The following EIF4G2 variants were observed in gnomAD, a reference collection of about 807,000 sequenced individuals.
EIF4G2 encodes the protein DAP-5.
A neutral mutation model predicts 117.7 loss-of-function variants in EIF4G2; 8 were observed. The observed-to-expected ratio is 0.07, with a 90% CI of 0.04 to 0.12. EIF4G2 has a LOEUF of 0.12. Among genes scored for constraint, EIF4G2 ranks in the 10% least tolerant of loss-of-function variants. The pLI, the probability that EIF4G2 is intolerant of heterozygous loss-of-function variation, is 1.00. For missense variants in EIF4G2, 812 were observed against 1,086.2 expected (o/e 0.75, Z 3.55); for synonymous variants, 413 against 367.8 (o/e 1.12, Z -1.41).
chr11:10,797,761 C>T lies in EIF4G2; in HGVS notation c.*55G>A, dbSNP rs2135402124. The T allele has an allele frequency of 6.4e-6, 10 of 1,558,182 alleles. 1 individual carries two copies. The Middle Eastern group carries it at 1.7e-3, about 262-fold the overall frequency. On this transcript the variant is annotated 3_prime_UTR_variant, in exon 22 of 22. Coordinates refer to ENST00000339995, the MANE Select transcript of EIF4G2 (RefSeq NM_001418.4). This position sits in a 1 kb window ranked among gnomAD's most constrained non-coding sequence, Gnocchi z 4.5. ...ATTTTCGCAGTGGTTAGGTCAAATG[C>T]AGTTACATCATAGCAACAGTATGTT...
intron 21 of EIF4G2, 112 bp downstream of exon 21, chr11:10,798,878 CAA>C (rs1190670827): frequency 7.0e-6 from 9 of 1,277,410 alleles, no homozygotes; most frequent in Non-Finnish European, 9.8e-6. Context: ...CAGGTGAAGA[CAA>C]ACTACTAACT....
At chr11:10,807,591 GAAC>G in intron 1 of EIF4G2, 1 of 1,199,606 alleles carries the variant, frequency 8.3e-7, no homozygotes, top group Non-Finnish European at 1.0e-6. Context: ...AGACTTCGTA[GAAC>G]ACAAGAGCAT....
chr11:10,803,805 G>T lies in EIF4G2; in HGVS notation c.702+94C>A. 1 of 1,448,356 alleles carries T rather than the reference G, an allele frequency of 6.9e-7. No homozygotes were observed. Among genetic ancestry groups the T allele is most frequent in the Non-Finnish European group, 9.4e-7 (1 of 1,066,576 alleles). The allele number at this position is 1,448,356 out of a possible 1,614,324, so 89.7% of individuals were successfully genotyped here. On this transcript the variant is annotated intron_variant, in intron 8 of 21. Transcript: ENST00000339995. The surrounding 1 kb of genome is among the most constrained non-coding windows in gnomAD (Gnocchi z 4.0). ...GTTTAGTAAATTTTGTTGCACATCT[G>T]TATTTAACTAGTCAACCTCCCTCTT...
Position 10,799,585 on chromosome 11 carries a change from A to G in EIF4G2, c.2291T>C (p.Val764Ala). Residue 764 changes from valine to alanine, a missense_variant, in exon 19 of 22, where the codon GTA becomes GCA. Transcript: ENST00000339995. ...TAAGATGTTCACAAATCCTTTATCT[A>G]CATGAAGTTTGGGAGAGATGTTATC... is the stretch of plus-strand genomic sequence containing the variant. 1 of 1,614,122 alleles carries G rather than the reference A, an allele frequency of 6.2e-7. No individual in the cohort carries two copies. The highest frequency in any genetic ancestry group is 8.5e-7 in the Non-Finnish European group (1 of 1,180,002).
chr11:10,805,019 G>C lies in EIF4G2; in HGVS notation c.249-4C>G. ...AGGAGTAAGCTTATTTAGTATGCTG[G>C]AGAAAAAGGAATTACATTTTAAGTG... On this transcript the variant is annotated splice_polypyrimidine_tract_variant and splice_region_variant and intron_variant, in intron 4 of 21. Coordinates refer to ENST00000339995, the MANE Select transcript of EIF4G2 (RefSeq NM_001418.4). 1 of 1,606,682 alleles carries C rather than the reference G, an allele frequency of 6.2e-7. No homozygotes were observed. Among genetic ancestry groups the C allele is most frequent in the African/African-American group, 1.3e-5 (1 of 74,866 alleles).
In EIF4G2 at chr11:10,804,303, C is replaced by T; in HGVS notation, c.467G>A (p.Gly156Glu). 1 of 1,614,028 alleles carries T rather than the reference C, an allele frequency of 6.2e-7. No homozygotes were observed. The highest frequency in any genetic ancestry group is 8.5e-7 in the Non-Finnish European group (1 of 1,179,974). ...ACCACTTACGGTGCTTTGCTTCTGTCCTGGTTGACCCTCTGCTGCTGGGCC... is the reference window on the plus strand; with the variant it reads ...ACCACTTACGGTGCTTTGCTTCTGTTCTGGTTGACCCTCTGCTGCTGGGCC... Residue 156 changes from glycine (G) to glutamate (E), a missense_variant, in exon 6 of 22, where the codon GGA (glycine) becomes GAA (glutamate). Transcript: ENST00000339995.
chr11:10,800,213 C>G lies in EIF4G2; in HGVS notation c.1996G>C (p.Glu666Gln). The G allele has an allele frequency of 6.2e-7, 1 of 1,614,166 alleles. No individual in the cohort carries two copies. Among genetic ancestry groups the G allele is most frequent in the Non-Finnish European group, 8.5e-7 (1 of 1,180,014 alleles). The change falls in exon 18 of 22, where the codon GAA becomes CAA. Residue 666 changes from glutamate to glutamine, a missense_variant. Physicochemically the swap from Glu to Gln is conservative, Grantham distance 29. Coordinates refer to ENST00000339995, the MANE Select transcript of EIF4G2 (RefSeq NM_001418.4). The stretch of plus-strand genomic sequence containing the variant: ...AAGAGAGGAAAATGGGTGCCACTTT[C>G]TAGTGGTTGAGCTAGTTCTGAAATG...
At chr11:10,800,910 G>C in intron 15 of EIF4G2, 52 bp downstream of exon 15, 1 of 1,610,802 alleles carries the variant, frequency 6.2e-7, no homozygotes, top group Non-Finnish European at 8.5e-7. Flanking sequence ...ACTAAATTTA[G>C]AAAAAAGTCT....
intron 14 of EIF4G2, chr11:10,801,384 T>C: frequency 3.2e-6 from 2 of 629,676 alleles, no homozygotes; most frequent in Non-Finnish European, 5.6e-6. Context: ...CCCTGTTTTA[T>C]CCTTAGTTAA....
At chr11:10,798,386 G>C (rs1590037907) in intron 21 of EIF4G2, among the ~76,000 whole-genome samples, 1 of 152,076 alleles carries the variant, frequency 6.6e-6, no homozygotes, top group South Asian at 2.1e-4. Flanking sequence ...AAAATATATA[G>C]TATTTAAACT....
chr11:10,803,922 T>C lies in EIF4G2; in HGVS notation c.679A>G (p.Ile227Val), dbSNP rs1590043294. ...ACTGTTTTGATGCACTTATGAAGGA[T>C]AGATTCGTGAATAAGATCAAGCTTG... The change falls in exon 8 of 22, where the codon ATC becomes GTC. Residue 227 changes from isoleucine (I) to valine (V), a missense_variant. By Grantham distance (29) the Ile-to-Val change is conservative (BLOSUM62 3). Around this residue, in one of 4 missense-constraint regions of EIF4G2, gnomAD observed 154 missense variants for 322.1 expected, o/e 0.48. Coordinates refer to ENST00000339995, the MANE Select transcript of EIF4G2 (RefSeq NM_001418.4). This position sits in a 1 kb window ranked among gnomAD's most constrained non-coding sequence, Gnocchi z 4.0. The C allele has an allele frequency of 6.2e-7, 1 of 1,614,054 alleles. No individual in the cohort carries two copies. Among genetic ancestry groups the C allele is most frequent in the Non-Finnish European group, 8.5e-7 (1 of 1,179,962 alleles).
intron 1 of EIF4G2, 197 bp downstream of exon 1, chr11:10,808,508 T>C: frequency 1.6e-6 from 2 of 1,226,846 alleles, no homozygotes; most frequent in Non-Finnish European, 2.1e-6. Flanking sequence ...ACGTTTTCCT[T>C]CTACTCCGTC....
Position 10,804,929 on chromosome 11 carries a change from T to A in EIF4G2, c.335A>T (p.Lys112Ile). The stretch of plus-strand genomic sequence containing the variant: ...AAAACTTACCAGCAGTATGACCCCT[T>A]TAAGGATGAGTTTAGACTCTACACC... Residue 112 changes from lysine (K) to isoleucine (I), a missense_variant, in exon 5 of 22, where the codon AAA (lysine) becomes ATA (isoleucine). Transcript: ENST00000339995. 6.2e-7 allele frequency: 1 copy of A among 1,613,958 alleles called. No individual in the cohort carries two copies. Among genetic ancestry groups the A allele is most frequent in the Non-Finnish European group, 8.5e-7 (1 of 1,179,862 alleles).
At chr11:10,806,396 C>A in intron 3 of EIF4G2, 1 of 342,400 alleles carries the variant, frequency 2.9e-6, no homozygotes, top group Non-Finnish European at 5.4e-6. Flanking sequence ...AGGCTGATCT[C>A]AAACTCTTGG....
chr11:10,807,078 G>A (rs1204309346), intron 2 of EIF4G2, 177 bp downstream of exon 2: 5 of 1,173,728 alleles, frequency 4.3e-6, no homozygotes, highest in East Asian at 4.7e-5. Context: ...CCAAAGGAAA[G>A]GCAAATAATT....
rs1390470272 is a variant in EIF4G2, at chr11:10,807,248, C to G, written c.41+7G>C. 6.2e-7 allele frequency: 1 copy of G among 1,606,946 alleles called. No individual in the cohort carries two copies. On this transcript the variant is annotated splice_region_variant and intron_variant, in intron 2 of 21. Transcript: ENST00000339995. ...AAAAGGATTCCCCAAAATAAATCTA[C>G]AAGTACCTGAAACGAGAAGCACCCC...
intron 13 of EIF4G2, 87 bp downstream of exon 13, chr11:10,801,962 T>G (rs1847431281): frequency 2.1e-6 from 1 of 484,594 alleles, no homozygotes; most frequent in Admixed American, 1.0e-4. Context: ...TTACTAATAC[T>G]TTACTAATCT....
chr11:10,799,844 C>T (rs1051459124), intron 18 of EIF4G2, 88 bp from the exon 19 acceptor site: 20 of 1,440,146 alleles, frequency 1.4e-5, no homozygotes, highest in Admixed American at 6.7e-5. Flanking sequence ...AATGATGTCC[C>T]CAAGTATGTA....
rs1303081564 is a variant in EIF4G2 at position 10,802,112 on chromosome 11, T to G, written c.1236A>C (p.Gly412=). ...GCGATTGTGTGGGAGGCATGATGTG[T>G]CCCCCATGGCCATTGAAGAGTTGAT... Residue 412 remains glycine (G), a synonymous_variant, in exon 13 of 22, where the codon GGA becomes GGC. Coordinates refer to ENST00000339995, the MANE Select transcript of EIF4G2 (RefSeq NM_001418.4). The G allele has an allele frequency of 8.4e-7, 1 of 1,185,776 alleles. No homozygotes were observed. Among genetic ancestry groups the G allele is most frequent in the African/African-American group, 3.8e-5 (1 of 26,546 alleles). 73.5% of individuals were successfully genotyped at this position (1,185,776 alleles called of 1,614,324 possible).
Sources: gnomAD v4.1 joint callset for allele counts (sites outside exome capture counted in the v4.1 genomes callset) on GRCh38, gnomAD v4.1.1 for gene constraint, gnomAD v4.1.1 regional missense constraint, Gnocchi (gnomAD v3.1) non-coding constraint, MANE v1.5 for transcripts, NCBI Gene and HGNC (gene_info 2026-07-23, HGNC 2026-07-21) for gene names.